MTREX: variants seen among roughly 807,000 people sequenced by gnomAD.
The protein encoded by MTREX is exosome RNA helicase MTR4.
MTREX carries 76 observed loss-of-function variants against 135.4 expected under a neutral mutation model. The ratio of observed to expected loss-of-function variants is 0.56; its 90% confidence interval spans 0.47 to 0.68. The LOEUF (loss-of-function observed/expected upper bound fraction) is 0.68, where lower values mean the gene tolerates loss of function less well. Among genes scored for constraint, MTREX ranks in the 30% least tolerant of loss-of-function variants. The pLI is 0.00. For missense variants in MTREX, 920 were observed against 1,262.1 expected, an observed-to-expected ratio of 0.73 and a Z score of 4.11; for synonymous variants, 404 against 401.6, an observed-to-expected ratio of 1.01 and a Z score of -0.07.
intron 3 of MTREX, 35 bp from the exon 4 acceptor site, chr5:55,327,681 G>A (rs1425028099): frequency 6.5e-7 from 1 of 1,531,946 alleles, no homozygotes; most frequent in Admixed American, 1.7e-5. Flanking sequence ...CAAATAGTTG[G>A]TGAGGTTTTT....
In MTREX at chr5:55,419,460, G is replaced by T. The variant is rs190266584; in HGVS notation, c.2971+3328G>T. ...AAAGAAAAGTTCATATTGTGATTCA[G>T]TTGAGAAATTTTGAAGACTAAGTAT... is the stretch of plus-strand genomic sequence containing the variant. On this transcript the variant is annotated intron_variant, in intron 25 of 26. Transcript: ENST00000230640. 3.0e-4 allele frequency among the ~76,000 whole-genome samples: 45 copies of T among 152,192 alleles called. 1 individual carries two copies. Among genetic ancestry groups the T allele is most frequent in the Non-Finnish European group, 1.3e-4 (9 of 68,038 alleles).
At chr5:55,416,912 A>T (rs997189453) in intron 25 of MTREX, among the ~76,000 whole-genome samples, 12 of 152,166 alleles carry the variant, frequency 7.9e-5, no homozygotes, top group Admixed American at 6.5e-5. Context: ...TACATGTTTA[A>T]CATGCCAAAT....
chr5:55,400,251 C>A lies in MTREX; in HGVS notation c.2311C>A (p.Pro771Thr). ...KSIQEVQKRF[P>T]DGIPLLDPID... ...TTTTCAGGAAGTTCAGAAACGTTTT[C>A]CTGACGGCATCCCCTTATTAGACCC... The change falls in exon 21 of 27, where the codon CCT becomes ACT. Residue 771 changes from proline to threonine, a missense_variant. This residue lies in a region of MTREX where 467 missense variants were observed against 589.7 expected (regional missense o/e 0.79). Coordinates refer to ENST00000230640, the MANE Select transcript of MTREX (RefSeq NM_015360.5). 1 of 1,562,600 alleles carries A rather than the reference C, an allele frequency of 6.4e-7. No homozygotes were observed. The highest frequency in any genetic ancestry group is 1.2e-5 in the South Asian group (1 of 83,686).
At chr5:55,405,889 C>G (rs1039528036) in intron 22 of MTREX, among the ~76,000 whole-genome samples, 1 of 151,994 alleles carries the variant, frequency 6.6e-6, no homozygotes, top group East Asian at 1.9e-4. Context: ...TTAACACAAG[C>G]GCTCCTAGCA....
chr5:55,321,632 A>G (rs1749291595), intron 1 of MTREX, among the ~76,000 whole-genome samples: 1 of 133,100 alleles, frequency 7.5e-6, no homozygotes, highest in Non-Finnish European at 1.5e-5. Context: ...TTTTCCTGAG[A>G]CAGTCTTGCT....
chr5:55,393,491 A>G (rs1167019822), intron 19 of MTREX, among the ~76,000 whole-genome samples: 1 of 152,214 alleles, frequency 6.6e-6, no homozygotes, highest in Non-Finnish European at 1.5e-5. Flanking sequence ...CAAAAACCAT[A>G]TTTTGTTTCA....
At chr5:55,388,244 G>C in intron 19 of MTREX, 142 bp downstream of exon 19, 1 of 588,632 alleles carries the variant, frequency 1.7e-6, no homozygotes, top group Non-Finnish European at 2.6e-6. Flanking sequence ...AGGTATATTA[G>C]TAAAGCTATC....
At chr5:55,353,969 C>G (rs1057014833) in intron 14 of MTREX, among the ~76,000 whole-genome samples, 20 of 152,102 alleles carry the variant, frequency 1.3e-4, no homozygotes, top group African/African-American at 4.6e-4. Context: ...AAAAGAAGTT[C>G]TAACAGGTTT....
chr5:55,320,856 A>G (rs1028644498), intron 1 of MTREX, among the ~76,000 whole-genome samples: 10 of 152,198 alleles, frequency 6.6e-5, no homozygotes, highest in Admixed American at 4.6e-4. Context: ...CGAAAAGTCT[A>G]TTAAAATACC....
chr5:55,324,408 A>G (rs1252481568), intron 3 of MTREX: 1 of 212,362 alleles, frequency 4.7e-6, no homozygotes, highest in Non-Finnish European at 8.8e-6. Flanking sequence ...AATCTTGGGT[A>G]AATTTCTTAT....
chr5:55,317,895 A>G (rs1436434970), intron 1 of MTREX, among the ~76,000 whole-genome samples: 1 of 152,238 alleles, frequency 6.6e-6, no homozygotes, highest in Non-Finnish European at 1.5e-5. Context: ...AAGGTCTAAT[A>G]TGCAGCATTT....
At chr5:55,407,130 C>T (rs1014903727) in intron 22 of MTREX, among the ~76,000 whole-genome samples, 1 of 152,172 alleles carries the variant, frequency 6.6e-6, no homozygotes, top group Middle Eastern at 3.2e-3. Flanking sequence ...TAGAGAATTA[C>T]AGGCCTTGTA....
At chr5:55,332,641 G>A (rs1383652609) in intron 5 of MTREX, among the ~76,000 whole-genome samples, 1 of 152,188 alleles carries the variant, frequency 6.6e-6, no homozygotes, top group Non-Finnish European at 1.5e-5. Context: ...AGGAAATTGG[G>A]CCTAACTTGT....
chr5:55,358,552 A>G, intron 14 of MTREX, 21 bp from the exon 15 acceptor site: 1 of 1,571,284 alleles, frequency 6.4e-7, no homozygotes, highest in South Asian at 1.2e-5. Context: ...TAAACTCTGA[A>G]TTTTAACTAT....
chr5:55,339,436 A>C (rs1239948550), intron 5 of MTREX, among the ~76,000 whole-genome samples: 2 of 152,226 alleles, frequency 1.3e-5, no homozygotes, highest in African/African-American at 4.8e-5. Flanking sequence ...AGGAGGATCT[A>C]CTACAATGTT....
intron 18 of MTREX, among the ~76,000 whole-genome samples, chr5:55,386,668 T>G (rs1381947810): frequency 6.6e-6 from 1 of 152,132 alleles, no homozygotes; most frequent in Non-Finnish European, 1.5e-5. Context: ...TGTTATATCT[T>G]ACAGAGAATA....
At chr5:55,418,904 C>T (rs139247726) in intron 25 of MTREX, among the ~76,000 whole-genome samples, 64 of 152,186 alleles carry the variant, frequency 4.2e-4, no homozygotes, top group South Asian at 1.0e-3. Flanking sequence ...AGTGCAGTGG[C>T]GTGATCTTGG....
At chr5:55,355,501 G>A (rs748192391) in intron 14 of MTREX, among the ~76,000 whole-genome samples, 8 of 152,124 alleles carry the variant, frequency 5.3e-5, no homozygotes, top group Non-Finnish European at 8.8e-5. Flanking sequence ...GTAATAGTGG[G>A]CTCTGCAAAG....
At chr5:55,396,684 G>A (rs1364254977) in intron 19 of MTREX, among the ~76,000 whole-genome samples, 2 of 152,198 alleles carry the variant, frequency 1.3e-5, no homozygotes, top group East Asian at 1.9e-4. Context: ...TGAAGACTGA[G>A]TTCAATCACT....
Sources: allele counts gnomAD v4.1 joint callset (sites outside exome capture counted in the v4.1 genomes callset), GRCh38; gene constraint gnomAD v4.1.1; regional missense constraint gnomAD v4.1.1; transcripts MANE v1.5; gene names NCBI Gene and HGNC (gene_info 2026-07-23, HGNC 2026-07-21).